Variants in ZNF420 observed in about 807,000 individuals in gnomAD.
The protein encoded by ZNF420 is ATM and p53-associated KZNF protein.
Under a neutral mutation model 44.7 loss-of-function variants are expected in ZNF420, and 31 were observed. The observed-to-expected ratio is 0.69, with a 90% CI of 0.52 to 0.94. The LOEUF (loss-of-function observed/expected upper bound fraction) is 0.94, where lower values mean the gene tolerates loss of function less well. ZNF420 is among the 40% of genes least tolerant of loss of function. ZNF420 has a pLI of 0.00. For synonymous variants in ZNF420, 245 were observed against 267.4 expected, an observed-to-expected ratio of 0.92 and a Z score of 0.82; for missense variants, 681 against 827.9, an observed-to-expected ratio of 0.82 and a Z score of 2.18.
chr19:37,129,889 G>T lies in ZNF420; in HGVS notation c.*831G>T. ...CTAGGAATTTTTTAAAAACTTGAAT[G>T]TATTGCTTTTGAAGTAAACAAAATA... On this transcript the variant is annotated 3_prime_UTR_variant, in exon 5 of 5. Coordinates refer to ENST00000337995, the MANE Select transcript of ZNF420 (RefSeq NM_144689.5). 1 of 1,124,814 alleles carries T rather than the reference G, an allele frequency of 8.9e-7. No individual in the cohort carries two copies. The highest frequency in any genetic ancestry group is 1.2e-6 in the Non-Finnish European group (1 of 838,198). 69.7% of individuals were successfully genotyped at this position (1,124,814 alleles called of 1,614,324 possible).
rs572363850 is a variant in ZNF420 at position 37,068,012 on chromosome 19, T to C, written c.-124-12333T>C. 9.9e-5 allele frequency among the ~76,000 whole-genome samples: 15 copies of C among 152,164 alleles called. No individual in the cohort carries two copies. The East Asian group carries it at 2.9e-3, about 29-fold the overall frequency. ...ATATTAGTGTGTGTGTGTATATATATATATACACTTACACACACACATACA... is the reference window on the plus strand; with the variant it reads ...ATATTAGTGTGTGTGTGTATATATACATATACACTTACACACACACATACA... On this transcript the variant is annotated intron_variant, in intron 1 of 4. Coordinates refer to the ZNF420 transcript ENST00000587029.
intron 2 of ZNF420, among the ~76,000 whole-genome samples, chr19:37,082,216 G>A (rs529278547): frequency 3.5e-4 from 53 of 152,242 alleles, no homozygotes; most frequent in African/African-American, 1.2e-3. Context: ...AGGCTGGAGT[G>A]CAGTGGTGTG....
chr19:37,078,621 G>A (rs1280572499), intron 1 of ZNF420, 51 bp downstream of exon 1: 1 of 152,394 alleles, frequency 6.6e-6, no homozygotes, highest in Non-Finnish European at 1.5e-5. Context: ...AAGCGTCGCT[G>A]GGGTTACTCG....
At chr19:37,108,415 TA>T (rs1970213046) in intron 4 of ZNF420, 1 of 152,218 alleles carries the variant, frequency 6.6e-6, no homozygotes, top group African/African-American at 2.4e-5. Flanking sequence ...TCAATGCAAG[TA>T]AACAATCTGC....
At chr19:37,084,761 G>A (rs904735051) in intron 2 of ZNF420, among the ~76,000 whole-genome samples, 3 of 151,832 alleles carry the variant, frequency 2.0e-5, no homozygotes, top group Non-Finnish European at 4.4e-5. Context: ...GGCAATTTTT[G>A]TTTTAAGGAA....
chr19:37,020,238 A>C (rs1467985388), intron 1 of ZNF420, among the ~76,000 whole-genome samples: 1 of 146,880 alleles, frequency 6.8e-6, no homozygotes, highest in East Asian at 1.9e-4. Context: ...AAAAAAAAAA[A>C]GTTTCCCTTG....
intron 4 of ZNF420, among the ~76,000 whole-genome samples, chr19:37,102,129 C>G (rs1969814011): frequency 6.6e-6 from 1 of 152,062 alleles, no homozygotes; most frequent in Non-Finnish European, 1.5e-5. Context: ...TGAGGATGTG[C>G]TATGGGATGG....
At chr19:37,109,389 C>G (rs1450245054) in intron 4 of ZNF420, 1 of 151,988 alleles carries the variant, frequency 6.6e-6, no homozygotes, top group Non-Finnish European at 1.5e-5. Flanking sequence ...GGGAGACTTA[C>G]CACCATTGAT....
At chr19:37,115,035 C>T (rs939358124) in intron 4 of ZNF420, 1 of 158,160 alleles carries the variant, frequency 6.3e-6, no homozygotes, top group Non-Finnish European at 1.4e-5. Context: ...GGCATATTTA[C>T]TTTTAGTTTG....
intron 4 of ZNF420, among the ~76,000 whole-genome samples, chr19:37,103,197 T>A (rs1278819534): frequency 6.6e-6 from 1 of 152,156 alleles, no homozygotes; most frequent in Non-Finnish European, 1.5e-5. Context: ...TAAATTGTTT[T>A]AAAATTTTAT....
chr19:37,042,289 G>C (rs575708076), intron 1 of ZNF420, among the ~76,000 whole-genome samples: 3 of 152,228 alleles, frequency 2.0e-5, no homozygotes, highest in Non-Finnish European at 4.4e-5. Flanking sequence ...GAGCCACTGC[G>C]CCTGGCCCTC....
chr19:37,059,917 A>ATG (rs1967842406), intron 1 of ZNF420, among the ~76,000 whole-genome samples: 1 of 149,802 alleles, frequency 6.7e-6, no homozygotes, highest in Admixed American at 6.6e-5. Flanking sequence ...CTCTGTCTGT[A>ATG]TGTGTGTGTG....
intron 4 of ZNF420, among the ~76,000 whole-genome samples, chr19:37,121,572 C>T (rs571158872): frequency 6.6e-6 from 1 of 152,244 alleles, no homozygotes; most frequent in African/African-American, 2.4e-5. Context: ...TGGGCAAGGA[C>T]TTCATGTCTC....
intron 1 of ZNF420, among the ~76,000 whole-genome samples, chr19:37,056,881 C>T (rs1264283772): frequency 1.3e-5 from 2 of 152,230 alleles, no homozygotes; most frequent in Admixed American, 6.5e-5. Flanking sequence ...CCTACCGGAC[C>T]GGGGATCCAG....
intron 1 of ZNF420, among the ~76,000 whole-genome samples, chr19:37,049,434 T>A (rs1967599672): frequency 6.6e-6 from 1 of 152,212 alleles, no homozygotes. Context: ...TGTATCTCAT[T>A]GTGGTTTTGA....
At chr19:37,035,554 A>G (rs1342577646) in intron 1 of ZNF420, among the ~76,000 whole-genome samples, 1 of 152,190 alleles carries the variant, frequency 6.6e-6, no homozygotes, top group Non-Finnish European at 1.5e-5. Context: ...AGGTGTTTTC[A>G]TAACAAGATG....
At chr19:37,040,100 A>G (rs1039714415) in intron 1 of ZNF420, among the ~76,000 whole-genome samples, 1 of 152,154 alleles carries the variant, frequency 6.6e-6, no homozygotes, top group Admixed American at 6.5e-5. Context: ...TTTTCTTCCA[A>G]TAGAAGGCTG....
At chr19:37,058,692 T>TCC (rs111436345) in intron 1 of ZNF420, among the ~76,000 whole-genome samples, 32 of 151,646 alleles carry the variant, frequency 2.1e-4, no homozygotes, top group African/African-American at 5.1e-4. Context: ...GTCATCTGTG[T>TCC]CCCCCCGCAT....
chr19:37,056,902 G>A (rs990173065), intron 1 of ZNF420, among the ~76,000 whole-genome samples: 2 of 152,248 alleles, frequency 1.3e-5, no homozygotes, highest in Non-Finnish European at 2.9e-5. Flanking sequence ...CCACCGCCAG[G>A]GTTGCAGCCA....
Sources: gnomAD v4.1 joint callset for allele counts (sites outside exome capture counted in the v4.1 genomes callset) on GRCh38, gnomAD v4.1.1 for gene constraint, MANE v1.5 for transcripts, NCBI Gene and HGNC (gene_info 2026-07-23, HGNC 2026-07-21) for gene names.